Variants in MYCBP2 observed in about 807,000 individuals in gnomAD.
MYCBP2 encodes MYC binding protein 2, also known as E3 ubiquitin-protein ligase MYCBP2.
In MYCBP2, 120 loss-of-function variants were observed where a neutral mutation model predicts 525.3. The observed-to-expected ratio is 0.23, with a 90% CI of 0.20 to 0.27. MYCBP2 has a LOEUF of 0.27. Among genes scored for constraint, MYCBP2 ranks in the 10% least tolerant of loss-of-function variants. The pLI, the probability that MYCBP2 is intolerant of heterozygous loss-of-function variation, is 1.00. For missense variants in MYCBP2, 4,149 were observed against 5,657.1 expected, an observed-to-expected ratio of 0.73 and a Z score of 8.55; for synonymous variants, 1,894 against 1,955.8, an observed-to-expected ratio of 0.97 and a Z score of 0.83.
At chr13:77,120,301 C>T (rs2050465484) in intron 55 of MYCBP2, among the ~76,000 whole-genome samples, 1 of 152,018 alleles carries the variant, frequency 6.6e-6, no homozygotes, top group Admixed American at 6.5e-5. Context: ...AGATGATACC[C>T]AATCCTATGA....
intron 30 of MYCBP2, among the ~76,000 whole-genome samples, chr13:77,188,268 G>C (rs1215761891): frequency 6.6e-6 from 1 of 152,090 alleles, no homozygotes; most frequent in Admixed American, 6.6e-5. Flanking sequence ...TTCTTCCTAT[G>C]CATTTTACTA....
intron 1 of MYCBP2, among the ~76,000 whole-genome samples, chr13:77,303,821 T>G (rs1043954305): frequency 6.8e-6 from 1 of 146,200 alleles, no homozygotes; most frequent in Non-Finnish European, 1.5e-5. Context: ...CTCAAGAAGC[T>G]AGAAAGAAAA....
intron 19 of MYCBP2, 135 bp from the exon 20 acceptor site, chr13:77,224,667 T>C (rs1811260925): frequency 1.9e-6 from 1 of 515,178 alleles, no homozygotes; most frequent in Non-Finnish European, 3.4e-6. Flanking sequence ...GAAGGACAAA[T>C]TTGTATTTAA....
chr13:77,281,142 T>C (rs968301069), intron 3 of MYCBP2, among the ~76,000 whole-genome samples: 18 of 152,170 alleles, frequency 1.2e-4, no homozygotes, highest in African/African-American at 4.3e-4. Context: ...TGAAAACACA[T>C]ATTTCTCCCT....
chr13:77,292,580 A>G (rs535163092), intron 2 of MYCBP2, among the ~76,000 whole-genome samples: 1 of 152,302 alleles, frequency 6.6e-6, no homozygotes, highest in African/African-American at 2.4e-5. Flanking sequence ...GAAGTTCTAG[A>G]AAATGAAAAC....
At chr13:77,103,581 T>C (rs547015351) in intron 55 of MYCBP2, among the ~76,000 whole-genome samples, 1 of 152,212 alleles carries the variant, frequency 6.6e-6, no homozygotes, top group African/African-American at 2.4e-5. Flanking sequence ...TAAATCAAAA[T>C]TGAGCATTTC....
At chr13:77,094,219 C>A (rs2045887988) in intron 58 of MYCBP2, among the ~76,000 whole-genome samples, 1 of 152,116 alleles carries the variant, frequency 6.6e-6, no homozygotes, top group Non-Finnish European at 1.5e-5. Context: ...TGTCAGTGGG[C>A]AATATCTAGA....
intron 18 of MYCBP2, among the ~76,000 whole-genome samples, chr13:77,227,109 G>C (rs1276165415): frequency 1.3e-5 from 2 of 152,004 alleles, no homozygotes; most frequent in Non-Finnish European, 2.9e-5. Flanking sequence ...TGAGCCCTTG[G>C]TTTGAAAAGC....
At chr13:77,309,893 C>T (rs1331208302) in intron 1 of MYCBP2, among the ~76,000 whole-genome samples, 3 of 152,172 alleles carry the variant, frequency 2.0e-5, no homozygotes, top group African/African-American at 7.2e-5. Flanking sequence ...GCGGGCAAAT[C>T]ACGAGGTCAA....
intron 82 of MYCBP2, among the ~76,000 whole-genome samples, chr13:77,050,597 C>A (rs1248369097): frequency 1.3e-5 from 2 of 151,882 alleles, no homozygotes; most frequent in Non-Finnish European, 2.9e-5. Flanking sequence ...TGATTCCCAG[C>A]CATTCTAGAT....
chr13:77,078,062 T>C (rs904577629), intron 66 of MYCBP2: 1 of 152,224 alleles, frequency 6.6e-6, no homozygotes, highest in African/African-American at 2.4e-5. Context: ...GTGATTTAAA[T>C]AGACATTAAG....
At chr13:77,228,500 C>A (rs575625714) in intron 18 of MYCBP2, among the ~76,000 whole-genome samples, 19 of 146,210 alleles carry the variant, frequency 1.3e-4, no homozygotes, top group Non-Finnish European at 1.6e-4. Context: ...GAGTGAGACC[C>A]TGTCTCAAAA....
chr13:77,263,778 A>C lies in MYCBP2; in HGVS notation c.1443T>G (p.Val481=). The C allele has an allele frequency of 6.2e-7, 1 of 1,612,992 alleles. No individual in the cohort carries two copies. The highest frequency in any genetic ancestry group is 8.5e-7 in the Non-Finnish European group (1 of 1,179,326). Residue 481 remains valine, a synonymous_variant, in exon 10 of 83, where the codon GTT becomes GTG. Transcript: ENST00000544440. The stretch of plus-strand genomic sequence containing the variant: ...CAGTGCTTGTGGCAAATATTCTGAC[A>C]ACAAAGCCATCCTAAGAAAAATAAA... ...QIAASRDDGF[V]VRIFATSTEP... is the part of the protein sequence containing the mutation.
intron 23 of MYCBP2, 80 bp from the exon 24 acceptor site, chr13:77,206,905 C>A: frequency 8.3e-7 from 1 of 1,209,530 alleles, no homozygotes; most frequent in East Asian, 2.6e-5. Context: ...ACTGATGATA[C>A]AAAGAGAATA....
chr13:77,188,351 C>A (rs560078879), intron 30 of MYCBP2, among the ~76,000 whole-genome samples: 2 of 152,156 alleles, frequency 1.3e-5, no homozygotes, highest in African/African-American at 2.4e-5. Flanking sequence ...ACATCTTACA[C>A]CCCTTATCTC....
chr13:77,143,846 G>A (rs752361589), intron 49 of MYCBP2, among the ~76,000 whole-genome samples: 3 of 152,164 alleles, frequency 2.0e-5, no homozygotes, highest in African/African-American at 7.2e-5. Context: ...GCAGGTAACT[G>A]TAACACAATG....
At chr13:77,147,064 C>T (rs747446174) in intron 47 of MYCBP2, among the ~76,000 whole-genome samples, 7 of 152,058 alleles carry the variant, frequency 4.6e-5, no homozygotes, top group East Asian at 1.9e-4. Flanking sequence ...TATAGCTACA[C>T]GGCTGAACCT....
intron 47 of MYCBP2, among the ~76,000 whole-genome samples, chr13:77,149,916 T>C (rs1241827063): frequency 6.6e-6 from 1 of 152,180 alleles, no homozygotes; most frequent in Non-Finnish European, 1.5e-5. Flanking sequence ...GTCATGTTTC[T>C]TGATCATCTG....
intron 1 of MYCBP2, among the ~76,000 whole-genome samples, chr13:77,314,866 G>A (rs1171176684): frequency 2.6e-5 from 4 of 152,094 alleles, no homozygotes; most frequent in African/African-American, 9.7e-5. Context: ...GGGGGAAAGG[G>A]ATAGATGGAA....
Sources: gnomAD v4.1 joint callset for allele counts (sites outside exome capture counted in the v4.1 genomes callset) on GRCh38, gnomAD v4.1.1 for gene constraint, MANE v1.5 for transcripts, NCBI Gene and HGNC (gene_info 2026-07-23, HGNC 2026-07-21) for gene names.